PLEKHG1: variants seen among roughly 807,000 people sequenced by gnomAD.
The protein encoded by PLEKHG1 is pleckstrin homology and RhoGEF domain containing G1.
A neutral mutation model predicts 100.8 loss-of-function variants in PLEKHG1; 44 were observed. The observed-to-expected ratio is 0.44, with a 90% CI of 0.34 to 0.56. The LOEUF is 0.56. PLEKHG1 is among the 20% of genes least tolerant of loss of function. The pLI is 0.01. For synonymous variants in PLEKHG1, 640 were observed against 662.5 expected (o/e 0.97, Z 0.52); for missense variants, 1,545 against 1,720.9 (o/e 0.90, Z 1.81).
chr6:150,715,200 G>T (rs972897415), intron 3 of PLEKHG1, among the ~76,000 whole-genome samples: 1 of 152,106 alleles, frequency 6.6e-6, no homozygotes, highest in South Asian at 2.1e-4. Flanking sequence ...TTTAAAAAAA[G>T]AAGTTAGCTT....
intron 2 of PLEKHG1, among the ~76,000 whole-genome samples, chr6:150,758,033 GT>G (rs1431845611): frequency 1.3e-5 from 2 of 152,124 alleles, no homozygotes; most frequent in Non-Finnish European, 2.9e-5. Context: ...TGGCTGTATA[GT>G]GTTCCATGGT....
At chr6:150,829,762 A>G (rs560693830) in intron 14 of PLEKHG1, among the ~76,000 whole-genome samples, 34 of 152,350 alleles carry the variant, frequency 2.2e-4, no homozygotes, top group Middle Eastern at 3.4e-3. Context: ...TTACACTCCT[A>G]CAATAAAAAC....
chr6:150,788,438 A>C (rs1162725826), intron 4 of PLEKHG1, among the ~76,000 whole-genome samples: 1 of 152,230 alleles, frequency 6.6e-6, no homozygotes, highest in Non-Finnish European at 1.5e-5. Flanking sequence ...GGGCCTGCAC[A>C]GAGATTCATC....
At position 150,655,693 on chromosome 6, in the gene PLEKHG1, G is replaced by A. The variant is rs541121284; in HGVS notation, c.-99+4907G>A. On this transcript the variant is annotated intron_variant, in intron 3 of 3. Coordinates refer to the PLEKHG1 transcript ENST00000367326. ...ACTGCACTCCAGCCTGGGTGACAGAGTGAGACTCCATCTCAAAAAAAAAAA... is the reference window on the plus strand; with the variant it reads ...ACTGCACTCCAGCCTGGGTGACAGAATGAGACTCCATCTCAAAAAAAAAAA... 4.0e-4 allele frequency among the ~76,000 whole-genome samples: 51 copies of A among 127,628 alleles called. 1 individual carries two copies. The South Asian group carries it at 0.013, about 34-fold the overall frequency. The allele number at this position is 127,628 out of a possible 152,430, so 83.7% of individuals were successfully genotyped here.
chr6:150,810,595 A>G (rs1044284189), intron 10 of PLEKHG1, among the ~76,000 whole-genome samples: 2 of 151,894 alleles, frequency 1.3e-5, no homozygotes, highest in African/African-American at 2.4e-5. Flanking sequence ...TAGGAACTAC[A>G]TCTCAGCTAA....
chr6:150,688,768 TA>T (rs1780238388), intron 3 of PLEKHG1, among the ~76,000 whole-genome samples: 1 of 152,210 alleles, frequency 6.6e-6, no homozygotes, highest in South Asian at 2.1e-4. Context: ...AGAGATTTTT[TA>T]AAAAACAGTG....
intron 2 of PLEKHG1, among the ~76,000 whole-genome samples, chr6:150,760,960 T>C (rs1784121846): frequency 6.6e-6 from 1 of 152,172 alleles, no homozygotes; most frequent in Non-Finnish European, 1.5e-5. Flanking sequence ...GGAACTGATT[T>C]TAGTGTTATG....
intron 2 of PLEKHG1, among the ~76,000 whole-genome samples, chr6:150,647,539 A>G (rs1240323800): frequency 6.6e-6 from 1 of 152,192 alleles, no homozygotes; most frequent in Non-Finnish European, 1.5e-5. Flanking sequence ...CACCTTGCTT[A>G]TAGTGTAGAC....
intron 15 of PLEKHG1, among the ~76,000 whole-genome samples, chr6:150,838,052 A>G (rs771570193): frequency 6.6e-5 from 10 of 152,216 alleles, no homozygotes; most frequent in African/African-American, 1.2e-4. Flanking sequence ...AGGTCACACA[A>G]TAACAGGTTG....
At position 150,803,723 on chromosome 6, in the gene PLEKHG1, A is replaced by G. The variant is rs1467125213; in HGVS notation, c.781-887A>G. Among the ~76,000 whole-genome samples, 5 of 152,204 alleles carry G rather than the reference A, an allele frequency of 3.3e-5. No individual in the cohort carries two copies. In the South Asian group the frequency reaches 1.0e-3, roughly 31 times the overall value. ...GCCTTTAAAACCTTGACTACAGGAA[A>G]ATGTGCTAAAATGTCTACTTGCTAT... On this transcript the variant is annotated intron_variant, in intron 6 of 15. Transcript: ENST00000358517.
At chr6:150,832,184 A>C (rs1278422888) in exon 15 of PLEKHG1, 9 of 1,601,024 alleles carry the variant, frequency 5.6e-6, no homozygotes, top group Non-Finnish European at 7.7e-6. Flanking sequence ...GGAAGAGAAG[A>C]AGCAAGGAGG....
chr6:150,688,844 G>T (rs1474823067), intron 3 of PLEKHG1, among the ~76,000 whole-genome samples: 2 of 152,058 alleles, frequency 1.3e-5, no homozygotes, highest in South Asian at 2.1e-4. Context: ...ATGGTTTTTG[G>T]TATATTACAT....
At chr6:150,814,922 G>C (rs955260608) in intron 10 of PLEKHG1, among the ~76,000 whole-genome samples, 2 of 152,124 alleles carry the variant, frequency 1.3e-5, no homozygotes, top group Non-Finnish European at 2.9e-5. Flanking sequence ...GTTTCACCAT[G>C]TTGGCCAGGC....
rs1235069789 is a variant in PLEKHG1 at position 150,831,258 on chromosome 6, A to G, written c.2147A>G (p.Gln716Arg). 1.2e-6 allele frequency: 2 copies of G among 1,614,136 alleles called. No homozygotes were observed. Among genetic ancestry groups the G allele is most frequent in the Admixed American group, 1.7e-5 (1 of 60,022 alleles). The change falls in exon 15 of 16, where the codon CAA (glutamine) becomes CGA (arginine). Residue 716 changes from glutamine to arginine, a missense_variant. Physicochemically the swap from Gln to Arg is conservative, Grantham distance 43. Coordinates refer to ENST00000358517, the Ensembl canonical transcript of PLEKHG1. This position sits in a 1 kb window ranked among gnomAD's most constrained non-coding sequence, Gnocchi z 4.1. ...CACAGTAAGGGCTCTCTTTACGCACAAACAGATGGCACCCTCTCAGGTGGA... is the reference window on the plus strand; with the variant it reads ...CACAGTAAGGGCTCTCTTTACGCACGAACAGATGGCACCCTCTCAGGTGGA...
At chr6:150,809,540 T>A in intron 9 of PLEKHG1, 64 bp downstream of exon 10, 1 of 1,510,132 alleles carries the variant, frequency 6.6e-7, no homozygotes, top group Non-Finnish European at 9.2e-7. Flanking sequence ...CTGTGTACCA[T>A]GTGGCTTTTT....
intron 3 of PLEKHG1, among the ~76,000 whole-genome samples, chr6:150,684,681 G>A (rs1225349163): frequency 1.3e-5 from 2 of 152,106 alleles, no homozygotes; most frequent in African/African-American, 2.4e-5. Context: ...ACCACTAGGA[G>A]GGTGTTAGTA....
chr6:150,667,548 G>T (rs868779023), intron 3 of PLEKHG1, among the ~76,000 whole-genome samples: 10 of 152,258 alleles, frequency 6.6e-5, no homozygotes, highest in African/African-American at 2.2e-4. Context: ...AGAATCCAAG[G>T]ACAGCCTCCT....
intron 2 of PLEKHG1, among the ~76,000 whole-genome samples, chr6:150,648,511 C>T (rs1195802887): frequency 6.6e-6 from 1 of 151,978 alleles, no homozygotes; most frequent in East Asian, 1.9e-4. Context: ...ATTGATAGGG[C>T]ATAATGGATC....
rs549547005 is a variant in PLEKHG1, at chr6:150,747,342, G to A, written c.411+13250G>A. Among the ~76,000 whole-genome samples, 18 of 152,344 alleles carry A rather than the reference G, an allele frequency of 1.2e-4. No individual in the cohort carries two copies. The South Asian group carries it at 3.7e-3, about 32-fold the overall frequency. ...ATTTACCTGGGTCACGTGATAAGCCGAGAGTTAGTGTGACAGTCCAGGCAG... is the reference window on the plus strand; with the variant it reads ...ATTTACCTGGGTCACGTGATAAGCCAAGAGTTAGTGTGACAGTCCAGGCAG... On this transcript the variant is annotated intron_variant, in intron 2 of 15. Transcript: ENST00000358517.
Sources: gnomAD v4.1 joint callset for allele counts (sites outside exome capture counted in the v4.1 genomes callset) on GRCh38, gnomAD v4.1.1 for gene constraint, Gnocchi (gnomAD v3.1) non-coding constraint, MANE v1.5 for transcripts, NCBI Gene and HGNC (gene_info 2026-07-23, HGNC 2026-07-21) for gene names.